GABRG3: variants seen among roughly 807,000 people sequenced by gnomAD.
GABRG3 encodes gamma-aminobutyric acid type A receptor subunit gamma3, also known as gamma-aminobutyric acid receptor subunit gamma-3.
GABRG3 carries 25 observed loss-of-function variants against 48.8 expected under a neutral mutation model. That is an observed-to-expected ratio of 0.51 (90% confidence interval 0.37 to 0.72). The LOEUF is 0.72. Ranked by LOEUF, GABRG3 falls within the 30% of genes least tolerant of loss-of-function variation. GABRG3 has a pLI of 0.00. For synonymous variants in GABRG3, 227 were observed against 217.6 expected, an observed-to-expected ratio of 1.04 and a Z score of -0.38; for missense variants, 394 against 577.9, an observed-to-expected ratio of 0.68 and a Z score of 3.26.
intron 3 of GABRG3, among the ~76,000 whole-genome samples, chr15:27,110,698 T>A (rs997075890): frequency 9.9e-5 from 15 of 152,244 alleles, no homozygotes; most frequent in Non-Finnish European, 1.5e-4. Context: ...TTAAATATTT[T>A]CCTTCACTCT....
intron 3 of GABRG3, among the ~76,000 whole-genome samples, chr15:27,057,919 A>G (rs1042022512): frequency 3.3e-5 from 5 of 152,172 alleles, no homozygotes; most frequent in Non-Finnish European, 7.3e-5. Context: ...ACTCGAGAGG[A>G]TGTGTGCATT....
intron 3 of GABRG3, among the ~76,000 whole-genome samples, chr15:27,152,994 G>A (rs1477210740): frequency 6.6e-6 from 1 of 151,870 alleles, no homozygotes; most frequent in South Asian, 2.1e-4. Context: ...CTGAGTAGCT[G>A]GGACCACAGG....
chr15:27,266,023 G>A (rs1013813617), intron 3 of GABRG3, among the ~76,000 whole-genome samples: 1 of 151,862 alleles, frequency 6.6e-6, no homozygotes, highest in Non-Finnish European at 1.5e-5. Context: ...TGGGATTACA[G>A]GCATGTGCCA....
chr15:27,018,387 A>G (rs946016737), intron 2 of GABRG3, among the ~76,000 whole-genome samples: 7 of 152,204 alleles, frequency 4.6e-5, no homozygotes, highest in African/African-American at 1.7e-4. Flanking sequence ...TTCTTTTAAG[A>G]ATAGGAATTC....
chr15:27,435,833 C>CTGTGAG (rs1403452241), intron 5 of GABRG3, among the ~76,000 whole-genome samples: 1 of 152,124 alleles, frequency 6.6e-6, no homozygotes, highest in Non-Finnish European at 1.5e-5. Context: ...ATAAACAGTC[C>CTGTGAG]TGTGACCCCT....
intron 5 of GABRG3, among the ~76,000 whole-genome samples, chr15:27,330,869 G>A (rs1424034465): frequency 6.6e-6 from 1 of 152,120 alleles, no homozygotes; most frequent in Non-Finnish European, 1.5e-5. Flanking sequence ...GTGATGGGTG[G>A]TCAGAGTGAA....
At chr15:27,357,326 T>C (rs527650840) in intron 5 of GABRG3, among the ~76,000 whole-genome samples, 1 of 152,286 alleles carries the variant, frequency 6.6e-6, no homozygotes, top group Admixed American at 6.5e-5. Context: ...AGTGGGTAAA[T>C]TGACGTAGTA....
At position 27,282,347 on chromosome 15, in the gene GABRG3, A is replaced by G. The variant is rs555092391; in HGVS notation, c.271-44462A>G. Among the ~76,000 whole-genome samples the G allele has an allele frequency of 4.6e-5, 7 of 152,110 alleles. No individual in the cohort carries two copies. In the South Asian group the frequency reaches 1.5e-3, roughly 32 times the overall value. Reference sequence around the variant, plus strand: ...TCTTGACTCTAATGATGTGAATGTCATATCTTTTGTCACAGAGGCCACAAG... The same window carrying G: ...TCTTGACTCTAATGATGTGAATGTCGTATCTTTTGTCACAGAGGCCACAAG... On this transcript the variant is annotated intron_variant, in intron 3 of 9. Coordinates refer to ENST00000615808, the MANE Select transcript of GABRG3 (RefSeq NM_033223.5).
chr15:27,238,086 G>A (rs76614673), intron 3 of GABRG3, among the ~76,000 whole-genome samples: 24 of 149,398 alleles, frequency 1.6e-4, no homozygotes, highest in Admixed American at 1.5e-3. Flanking sequence ...TGGACCTGGT[G>A]TGATGGGATC....
chr15:27,062,458 A>AT, intron 3 of GABRG3, among the ~76,000 whole-genome samples: 1 of 144,362 alleles, frequency 6.9e-6, no homozygotes, highest in Admixed American at 7.1e-5. Context: ...AAAAAAAAAA[A>AT]TTAGCCTTGC....
At chr15:27,503,692 A>C (rs1309802900) in intron 6 of GABRG3, among the ~76,000 whole-genome samples, 3 of 152,198 alleles carry the variant, frequency 2.0e-5, no homozygotes, top group African/African-American at 4.8e-5. Context: ...GCTCAAGTTG[A>C]TTGCTAGTGT....
At chr15:27,507,942 C>T (rs1246862173) in intron 6 of GABRG3, among the ~76,000 whole-genome samples, 1 of 152,156 alleles carries the variant, frequency 6.6e-6, no homozygotes, top group Non-Finnish European at 1.5e-5. Flanking sequence ...AACCTTTGTT[C>T]TGAAGTCTAC....
intron 3 of GABRG3, among the ~76,000 whole-genome samples, chr15:27,159,078 T>C (rs1898507348): frequency 6.6e-6 from 1 of 152,070 alleles, no homozygotes; most frequent in South Asian, 2.1e-4. Context: ...TATTTTCTCC[T>C]CCCTCTTCCT....
chr15:27,367,563 C>T (rs9707878), intron 5 of GABRG3, among the ~76,000 whole-genome samples: 42,237 of 151,888 alleles, frequency 0.28, 6,419 homozygotes, highest in African/African-American at 0.39. Context: ...CATTGCATAG[C>T]GAGAGAAAGA....
chr15:27,004,446 C>T (rs1032609319), intron 2 of GABRG3, among the ~76,000 whole-genome samples: 26 of 151,662 alleles, frequency 1.7e-4, no homozygotes, highest in East Asian at 1.2e-3. Context: ...CGGGCAGAGA[C>T]GCTCCCCACT....
intron 3 of GABRG3, among the ~76,000 whole-genome samples, chr15:27,113,760 G>C (rs931904592): frequency 6.6e-6 from 1 of 152,182 alleles, no homozygotes; most frequent in African/African-American, 2.4e-5. Flanking sequence ...TCTCCTAGAT[G>C]ACTGAAGTAT....
At chr15:27,387,824 GGAGA>G (rs1346366859) in intron 5 of GABRG3, among the ~76,000 whole-genome samples, 6 of 99,116 alleles carry the variant, frequency 6.1e-5, no homozygotes, top group Admixed American at 2.0e-4. Context: ...AGGGAGGGAG[GGAGA>G]GAGGGAGAGA....
At chr15:27,377,120 A>G (rs918368428) in intron 5 of GABRG3, among the ~76,000 whole-genome samples, 10 of 152,212 alleles carry the variant, frequency 6.6e-5, no homozygotes, top group Non-Finnish European at 5.9e-5. Flanking sequence ...TTGCTAAAAC[A>G]TAACAGGAGT....
In GABRG3 at chr15:27,457,052, T is replaced by A. The variant is rs187278292; in HGVS notation, c.575-23598T>A. ...ACCTGTGACAGCAGGGGTGTGGAAG[T>A]AGAAGGAGCTGGAGGAGGGGAGCTG... On this transcript the variant is annotated intron_variant, in intron 5 of 9. Coordinates refer to ENST00000615808, the MANE Select transcript of GABRG3 (RefSeq NM_033223.5). This position sits in a 1 kb window ranked among gnomAD's most constrained non-coding sequence, Gnocchi z 4.4. 6.6e-6 allele frequency among the ~76,000 whole-genome samples: 1 copy of A among 152,044 alleles called. No individual in the cohort carries two copies. The highest frequency in any genetic ancestry group is 1.5e-5 in the Non-Finnish European group (1 of 67,984).
Sources: gnomAD v4.1 joint callset for allele counts (sites outside exome capture counted in the v4.1 genomes callset) on GRCh38, gnomAD v4.1.1 for gene constraint, Gnocchi (gnomAD v3.1) non-coding constraint, MANE v1.5 for transcripts, NCBI Gene and HGNC (gene_info 2026-07-23, HGNC 2026-07-21) for gene names.